Variants in CXCR5 observed in about 807,000 individuals in gnomAD.
CXCR5 encodes the protein C-X-C chemokine receptor type 5.
CXCR5 carries 3 observed loss-of-function variants against 5.6 expected under a neutral mutation model. The ratio of observed to expected loss-of-function variants is 0.54; its 90% CI spans 0.24 to 1.39. The LOEUF is 1.39. CXCR5 is among the 40% of genes most tolerant of loss of function. CXCR5 has a pLI of 0.16. For missense variants in CXCR5, 333 were observed against 494.6 expected, an observed-to-expected ratio of 0.67 and a Z score of 3.10; for synonymous variants, 218 against 219.9, an observed-to-expected ratio of 0.99 and a Z score of 0.08.
At chr11:118,890,812 T>G (rs1188301772) in intron 1 of CXCR5, among the ~76,000 whole-genome samples, 1 of 152,048 alleles carries the variant, frequency 6.6e-6, no homozygotes, top group Non-Finnish European at 1.5e-5. Context: ...AGCTCTAGTT[T>G]AAAGTCAAGG....
At position 118,887,229 on chromosome 11, in the gene CXCR5, CA is replaced by C. The variant is rs1348538116; in HGVS notation, c.51+3238del. The C allele has an allele frequency of 5.1e-6, 5 of 985,376 alleles. No homozygotes were observed. The Admixed American group carries it at 3.1e-4, about 60-fold the overall frequency. 61.0% of individuals were successfully genotyped at this position (985,376 alleles called of 1,614,324 possible). A position where few individuals can be genotyped will look rare whatever the true frequency, so the allele number is the denominator to read the frequency against. On this transcript the variant is annotated intron_variant, in intron 1 of 1. Coordinates refer to ENST00000292174, the MANE Select transcript of CXCR5 (RefSeq NM_001716.5). ...TGATCCCACTCCTCTAGCAGAACGG[CA>C]GAAACAGTGGCCGCATATGTGGACC...
chr11:118,897,180 T>C lies in CXCR5; in HGVS notation c.*2517T>C, dbSNP rs1565609088. The stretch of plus-strand genomic sequence containing the variant: ...GAGGTGCACTGACTCAGATGAACTG[T>C]TCTCCCCCTTCTTTGATAAGAAGTA... On this transcript the variant is annotated 3_prime_UTR_variant, in exon 2 of 2. Transcript: ENST00000292174. 6.5e-6 allele frequency: 1 copy of C among 154,912 alleles called. No homozygotes were observed. The highest frequency in any genetic ancestry group is 1.4e-5 in the Non-Finnish European group (1 of 69,566). 9.6% of individuals were successfully genotyped at this position (154,912 alleles called of 1,614,324 possible).
chr11:118,892,239 G>A (rs1565606312), intron 1 of CXCR5, among the ~76,000 whole-genome samples: 1 of 152,142 alleles, frequency 6.6e-6, no homozygotes, highest in African/African-American at 2.4e-5. Flanking sequence ...GAGCCAGAAG[G>A]AAAGACCCAG....
At chr11:118,887,224 A>G (rs1371473506) in intron 1 of CXCR5, 2 of 985,318 alleles carry the variant, frequency 2.0e-6, no homozygotes, top group South Asian at 4.7e-5. Context: ...CCTCTAGCAG[A>G]ACGGCAGAAA....
rs916494762 is a variant in CXCR5, at chr11:118,893,059, T to C, written c.52-537T>C. Among the ~76,000 whole-genome samples the C allele has an allele frequency of 2.6e-5, 4 of 152,162 alleles. No individual in the cohort carries two copies. Among genetic ancestry groups the C allele is most frequent in the Non-Finnish European group, 5.9e-5 (4 of 68,012 alleles). On this transcript the variant is annotated intron_variant, in intron 1 of 1. Transcript: ENST00000292174. The surrounding 1 kb of genome is among the most constrained non-coding windows in gnomAD (Gnocchi z 5.7). ...AGCGGGTTGTGCATATTGAACCAGA[T>C]GGGAGGCTATTACTGCCATTTCAGT...
chr11:118,893,006 T>A lies in CXCR5; in HGVS notation c.52-590T>A, dbSNP rs939873755. Among the ~76,000 whole-genome samples, 1 of 152,108 alleles carries A rather than the reference T, an allele frequency of 6.6e-6. No individual in the cohort carries two copies. Among genetic ancestry groups the A allele is most frequent in the Non-Finnish European group, 1.5e-5 (1 of 68,034 alleles). ...CCTGATCTTTAGCAAGACACATCTG[T>A]GAAATAGGAATAATATTACATACCT... is the stretch of plus-strand genomic sequence containing the variant. On this transcript the variant is annotated intron_variant, in intron 1 of 1. Transcript: ENST00000292174. This position sits in a 1 kb window ranked among gnomAD's most constrained non-coding sequence, Gnocchi z 5.7.
chr11:118,886,796 C>T (rs1233487747), intron 1 of CXCR5: 1 of 180,326 alleles, frequency 5.5e-6, no homozygotes, highest in African/African-American at 2.4e-5. Context: ...GAAGCTGGTC[C>T]AAGCCCCAGA....
In CXCR5 at chr11:118,896,855, G is replaced by A. The variant is rs75438046; in HGVS notation, c.*2192G>A. Reference sequence around the variant, plus strand: ...CCAGGGAACTGCCCTGCCACCTCCCGAGGCAGGAAAGGAAGTGAGAAAAGG... The same window carrying A: ...CCAGGGAACTGCCCTGCCACCTCCCAAGGCAGGAAAGGAAGTGAGAAAAGG... On this transcript the variant is annotated 3_prime_UTR_variant, in exon 2 of 2. Coordinates refer to ENST00000292174, the MANE Select transcript of CXCR5 (RefSeq NM_001716.5). 2,926 of 152,908 alleles carry A rather than the reference G, an allele frequency of 0.019. 42 individuals are homozygous for A. Among genetic ancestry groups the A allele is most frequent in the Middle Eastern group, 0.082 (24 of 294 alleles). 9.5% of individuals were successfully genotyped at this position (152,908 alleles called of 1,614,324 possible).
intron 1 of CXCR5, among the ~76,000 whole-genome samples, chr11:118,885,381 G>T (rs1261049169): frequency 1.3e-5 from 2 of 152,160 alleles, no homozygotes; most frequent in African/African-American, 2.4e-5. Flanking sequence ...TAAACCTCGT[G>T]GGGGGTCCTG....
Position 118,893,942 on chromosome 11 carries a change from T to G in CXCR5, c.398T>G (p.Phe133Cys). The G allele has an allele frequency of 6.2e-7, 1 of 1,613,908 alleles. No homozygotes were observed. The change falls in exon 2 of 2, where the codon TTC (phenylalanine) becomes TGC (cysteine). Residue 133 changes from phenylalanine to cysteine, a missense_variant. Phe to Cys is a radical substitution (Grantham distance 205). Transcript: ENST00000292174. The surrounding 1 kb of genome is among the most constrained non-coding windows in gnomAD (Gnocchi z 5.7). ...KTVIALHKVN[F>C]YCSSLLLACI... ...GTGATTGCCCTGCACAAAGTCAACT[T>G]CTACTGCAGCAGCCTGCTCCTGGCC...
chr11:118,884,352 T>C (rs1179463138), intron 1 of CXCR5, among the ~76,000 whole-genome samples: 1 of 152,200 alleles, frequency 6.6e-6, no homozygotes, highest in Non-Finnish European at 1.5e-5. Context: ...GAAAGTACTT[T>C]GGAGGTTTTC....
intron 1 of CXCR5, among the ~76,000 whole-genome samples, chr11:118,884,707 G>C (rs1939682782): frequency 2.0e-5 from 3 of 152,178 alleles, no homozygotes; most frequent in Admixed American, 2.0e-4. Flanking sequence ...TTCTTGGAAA[G>C]GTTTCTTGGG....
At position 118,883,930 on chromosome 11, in the gene CXCR5, G is replaced by A; in HGVS notation, c.-12G>A. Reference sequence around the variant, plus strand: ...ACAGTGACCAGTCTGGTGACTCACAGCCGGCACAGCCATGAACTACCCGCT... The same window carrying A: ...ACAGTGACCAGTCTGGTGACTCACAACCGGCACAGCCATGAACTACCCGCT... On this transcript the variant is annotated 5_prime_UTR_variant, in exon 1 of 2. Coordinates refer to ENST00000292174, the MANE Select transcript of CXCR5 (RefSeq NM_001716.5). The A allele has an allele frequency of 1.2e-6, 2 of 1,610,158 alleles. No homozygotes were observed. Among genetic ancestry groups the A allele is most frequent in the Non-Finnish European group, 1.7e-6 (2 of 1,178,128 alleles).
chr11:118,890,744 G>A (rs1326075884), intron 1 of CXCR5, among the ~76,000 whole-genome samples: 1 of 152,194 alleles, frequency 6.6e-6, no homozygotes, highest in Admixed American at 6.5e-5. Flanking sequence ...AATGAAAGTA[G>A]AACCATTTTC....
At position 118,897,410 on chromosome 11, in the gene CXCR5, G is replaced by A. The variant is rs981686923; in HGVS notation, c.*2747G>A. ...TGGCTAAGATGTAGCAGCAGCGGAT[G>A]CCCGGGCATCCAAAGTGGAAAGCCA... On this transcript the variant is annotated 3_prime_UTR_variant, in exon 2 of 2. Coordinates refer to ENST00000292174, the MANE Select transcript of CXCR5 (RefSeq NM_001716.5). 1.0e-5 allele frequency: 2 copies of A among 198,650 alleles called. No individual in the cohort carries two copies. The highest frequency in any genetic ancestry group is 1.1e-4 in the Admixed American group (2 of 18,472). 12.3% of individuals were successfully genotyped at this position (198,650 alleles called of 1,614,324 possible). A position where few individuals can be genotyped will look rare whatever the true frequency, so the allele number is the denominator to read the frequency against.
At chr11:118,890,044 G>A (rs1041494224) in intron 1 of CXCR5, among the ~76,000 whole-genome samples, 4 of 152,254 alleles carry the variant, frequency 2.6e-5, no homozygotes, top group East Asian at 1.9e-4. Context: ...CTGTCTGAAC[G>A]GCTTGGCTCT....
Position 118,894,277 on chromosome 11 carries a change from T to C in CXCR5, c.733T>C (p.Leu245=), listed in dbSNP as rs764486324. 19 of 1,613,972 alleles carry C rather than the reference T, an allele frequency of 1.2e-5. No individual in the cohort carries two copies. The East Asian group carries it at 2.0e-4, about 17-fold the overall frequency. ...GWCYVGVVHR[L]RQAQRRPQRQ... ...GTGCTACGTGGGGGTAGTGCACAGG[T>C]TGCGCCAGGCCCAGCGGCGCCCTCA... Residue 245 remains leucine (L), a synonymous_variant, in exon 2 of 2, where the codon TTG becomes CTG. Transcript: ENST00000292174. This position sits in a 1 kb window ranked among gnomAD's most constrained non-coding sequence, Gnocchi z 6.1.
At chr11:118,892,062 T>TGGGGATGGGACCCATGG (rs1417456252) in intron 1 of CXCR5, among the ~76,000 whole-genome samples, 1 of 151,998 alleles carries the variant, frequency 6.6e-6, no homozygotes, top group Admixed American at 6.6e-5. Context: ...GAGAAGCTGG[T>TGGGGATGGGACCCATGG]GGGGATGGGA....
At chr11:118,889,069 C>T (rs1939767049) in intron 1 of CXCR5, among the ~76,000 whole-genome samples, 1 of 152,168 alleles carries the variant, frequency 6.6e-6, no homozygotes, top group Admixed American at 6.5e-5. Context: ...TTGGGCCCTA[C>T]CACAGGCCAA....
Sources: gnomAD v4.1 joint callset for allele counts (sites outside exome capture counted in the v4.1 genomes callset) on GRCh38, gnomAD v4.1.1 for gene constraint, Gnocchi (gnomAD v3.1) non-coding constraint, MANE v1.5 for transcripts, NCBI Gene and HGNC (gene_info 2026-07-23, HGNC 2026-07-21) for gene names.